Variants in SGCZ observed in about 807,000 individuals in gnomAD.
SGCZ encodes sarcoglycan zeta, also known as zeta-sarcoglycan.
In SGCZ, 40 loss-of-function variants were observed where a neutral mutation model predicts 41.3. The ratio of observed to expected loss-of-function variants is 0.97; its 90% confidence interval spans 0.75 to 1.26. The LOEUF is 1.26. Ranked by LOEUF, SGCZ falls within the 50% of genes most tolerant of loss-of-function variation. The pLI, the probability that SGCZ is intolerant of heterozygous loss-of-function variation, is 0.00. For synonymous variants in SGCZ, 206 were observed against 137.5 expected, an observed-to-expected ratio of 1.50 and a Z score of -3.49; for missense variants, 552 against 369.8, an observed-to-expected ratio of 1.49 and a Z score of -4.04.
intron 1 of SGCZ, among the ~76,000 whole-genome samples, chr8:14,902,398 T>C (rs1798997385): frequency 6.6e-6 from 1 of 152,154 alleles, no homozygotes; most frequent in African/African-American, 2.4e-5. Context: ...TCTTGCATTA[T>C]CCAATGCCTC....
At chr8:14,553,347 C>G (rs986130011) in intron 2 of SGCZ, among the ~76,000 whole-genome samples, 2 of 152,034 alleles carry the variant, frequency 1.3e-5, no homozygotes, top group African/African-American at 2.4e-5. Flanking sequence ...CAACCTCTAG[C>G]CACCCTCACA....
At chr8:14,190,014 C>CTTTTTTTTTTTT (rs71304966) in intron 4 of SGCZ, among the ~76,000 whole-genome samples, 24 of 100,196 alleles carry the variant, frequency 2.4e-4, no homozygotes, top group South Asian at 3.1e-4. Flanking sequence ...TTCTTTCTTT[C>CTTTTTTTTTTTT]TTTTTTTTTT....
intron 1 of SGCZ, among the ~76,000 whole-genome samples, chr8:14,617,409 C>T (rs183041014): frequency 1.3e-4 from 20 of 152,170 alleles, no homozygotes; most frequent in East Asian, 3.9e-4. Context: ...AAAATTATCA[C>T]GTTTCATTTA....
intron 2 of SGCZ, among the ~76,000 whole-genome samples, chr8:14,420,470 G>A (rs952925145): frequency 1.3e-5 from 2 of 151,866 alleles, no homozygotes; most frequent in Admixed American, 6.6e-5. Flanking sequence ...ACTGTTGTTC[G>A]GTATTGCATT....
chr8:14,311,904 G>T (rs1265029713), intron 3 of SGCZ, among the ~76,000 whole-genome samples: 1 of 152,044 alleles, frequency 6.6e-6, no homozygotes, highest in Non-Finnish European at 1.5e-5. Flanking sequence ...TAAGATTGCT[G>T]CTCTATAGAA....
At chr8:14,395,429 T>C (rs1033828673) in intron 2 of SGCZ, among the ~76,000 whole-genome samples, 2 of 152,172 alleles carry the variant, frequency 1.3e-5, no homozygotes, top group Non-Finnish European at 2.9e-5. Flanking sequence ...AAAGAGACTA[T>C]TGCAAAGACA....
chr8:15,060,317 C>T (rs1804874221), intron 1 of SGCZ, among the ~76,000 whole-genome samples: 1 of 152,044 alleles, frequency 6.6e-6, no homozygotes. Flanking sequence ...GGCACATATA[C>T]ACCATGGAAT....
chr8:14,253,149 A>T (rs551355991), intron 3 of SGCZ, among the ~76,000 whole-genome samples: 2 of 152,264 alleles, frequency 1.3e-5, no homozygotes, highest in South Asian at 4.1e-4. Context: ...ATAAAACAGT[A>T]GATAACTTGA....
At chr8:14,600,548 T>C (rs1805558364) in intron 1 of SGCZ, among the ~76,000 whole-genome samples, 1 of 152,158 alleles carries the variant, frequency 6.6e-6, no homozygotes, top group Non-Finnish European at 1.5e-5. Context: ...TACGAAAATA[T>C]GGATTCCTAT....
chr8:14,356,202 C>T (rs1436326594), intron 2 of SGCZ, among the ~76,000 whole-genome samples: 1 of 152,018 alleles, frequency 6.6e-6, no homozygotes. Context: ...AGCTAAGCCA[C>T]GATGTTCGGT....
chr8:14,177,540 C>T (rs1804579591), intron 4 of SGCZ, among the ~76,000 whole-genome samples: 2 of 152,156 alleles, frequency 1.3e-5, no homozygotes, highest in Admixed American at 6.5e-5. Flanking sequence ...GACGGAGTCT[C>T]GTGCTGTCAC....
Position 14,566,399 on chromosome 8 carries a change from T to C in SGCZ, c.40-11473A>G, listed in dbSNP as rs565196188. Among the ~76,000 whole-genome samples, 1,302 of 148,382 alleles carry C rather than the reference T, an allele frequency of 8.8e-3. 18 individuals carry two copies. The highest frequency in any genetic ancestry group is 0.029 in the African/African-American group (1,187 of 41,014). Reference sequence around the variant, plus strand: ...AAGATGGGGCCAGTGTGGGTAGATCTCTCCATCCCTGCTGGGTCGATTCCC... The same window carrying C: ...AAGATGGGGCCAGTGTGGGTAGATCCCTCCATCCCTGCTGGGTCGATTCCC... On this transcript the variant is annotated intron_variant, in intron 1 of 7. Coordinates refer to ENST00000382080, the MANE Select transcript of SGCZ (RefSeq NM_139167.4).
intron 1 of SGCZ, among the ~76,000 whole-genome samples, chr8:14,657,092 A>T (rs1000925876): frequency 2.6e-5 from 4 of 152,080 alleles, no homozygotes; most frequent in Non-Finnish European, 5.9e-5. Flanking sequence ...ATAACTTTTT[A>T]AATTAATGAG....
intron 1 of SGCZ, among the ~76,000 whole-genome samples, chr8:15,091,546 A>G (rs964522246): frequency 6.6e-6 from 1 of 152,196 alleles, no homozygotes; most frequent in Non-Finnish European, 1.5e-5. Context: ...GTGTATGCCA[A>G]AAAATTAGAA....
intron 1 of SGCZ, among the ~76,000 whole-genome samples, chr8:14,648,623 T>C (rs1178251453): frequency 1.3e-5 from 2 of 152,124 alleles, no homozygotes; most frequent in Admixed American, 6.6e-5. Flanking sequence ...TTTTCCATTA[T>C]ATTTAATTTC....
intron 1 of SGCZ, among the ~76,000 whole-genome samples, chr8:15,111,525 C>T (rs1215136522): frequency 6.6e-6 from 1 of 152,154 alleles, no homozygotes; most frequent in Non-Finnish European, 1.5e-5. Context: ...GTACTTACAC[C>T]TCAGAAAACT....
chr8:14,201,417 C>A (rs574378924), intron 4 of SGCZ, among the ~76,000 whole-genome samples: 3 of 152,062 alleles, frequency 2.0e-5, no homozygotes, highest in African/African-American at 7.2e-5. Flanking sequence ...AACTGTGGTA[C>A]ATCCATGCAA....
At chr8:15,155,950 C>T (rs1029608558) in intron 1 of SGCZ, among the ~76,000 whole-genome samples, 1 of 150,034 alleles carries the variant, frequency 6.7e-6, no homozygotes, top group Non-Finnish European at 1.5e-5. Context: ...CCAAGCTACT[C>T]GAGAGGCCGA....
chr8:14,575,377 A>G (rs905539083), intron 1 of SGCZ, among the ~76,000 whole-genome samples: 1 of 152,252 alleles, frequency 6.6e-6, no homozygotes, highest in African/African-American at 2.4e-5. Flanking sequence ...GGTTGTGTCC[A>G]TATGAATTAG....
Sources: allele counts gnomAD v4.1 joint callset (sites outside exome capture counted in the v4.1 genomes callset), GRCh38; gene constraint gnomAD v4.1.1; transcripts MANE v1.5; gene names NCBI Gene and HGNC (gene_info 2026-07-23, HGNC 2026-07-21).